Variants in COL4A2 observed in about 807,000 individuals in gnomAD.
COL4A2 encodes collagen alpha-2(IV) chain.
In COL4A2, 99 loss-of-function variants were observed where a neutral mutation model predicts 200.2. That is an observed-to-expected ratio of 0.49 (90% CI 0.42 to 0.58). The LOEUF (loss-of-function observed/expected upper bound fraction) is 0.58, where lower values mean the gene tolerates loss of function less well. Among genes scored for constraint, COL4A2 ranks in the 20% least tolerant of loss-of-function variants. The pLI, the probability that COL4A2 is intolerant of heterozygous loss-of-function variation, is 0.00. For missense variants in COL4A2, 1,950 were observed against 2,314.1 expected, an observed-to-expected ratio of 0.84 and a Z score of 3.23; for synonymous variants, 897 against 900.6, an observed-to-expected ratio of 1.00 and a Z score of 0.07.
At chr13:110,505,503 C>A (rs188248144) in intron 45 of COL4A2, among the ~76,000 whole-genome samples, 14 of 152,242 alleles carry the variant, frequency 9.2e-5, no homozygotes, top group Admixed American at 3.3e-4. Flanking sequence ...TGGGAGCCCG[C>A]CCAGGGTAGG....
chr13:110,436,523 G>A (rs4771679), intron 13 of COL4A2, among the ~76,000 whole-genome samples, 156 bp downstream of exon 13: 1 of 151,364 alleles, frequency 6.6e-6, no homozygotes, highest in African/African-American at 2.4e-5. Flanking sequence ...CTCCCAGAAT[G>A]TTTTCAACTC....
At position 110,421,551 on chromosome 13, in the gene COL4A2, G is replaced by A. The variant is rs972473021; in HGVS notation, c.181-3183G>A. On this transcript the variant is annotated intron_variant, in intron 4 of 47. Coordinates refer to ENST00000360467, the MANE Select transcript of COL4A2 (RefSeq NM_001846.4). ...ACAGAAAGCAGAGTGATGGTTGCCA[G>A]GGGCTGGGAGGAAAGGGAATGGGGA... 2.0e-5 allele frequency among the ~76,000 whole-genome samples: 3 copies of A among 152,210 alleles called. No homozygotes were observed. In the East Asian group the frequency reaches 5.8e-4, roughly 29 times the overall value.
At chr13:110,432,297 A>G (rs1880711694) in intron 10 of COL4A2, 28 bp from the exon 11 acceptor site, 2 of 1,596,836 alleles carry the variant, frequency 1.3e-6, no homozygotes, top group Admixed American at 1.8e-5. Context: ...AAAGAAAACC[A>G]TTTACACATT....
At chr13:110,444,876 G>C (rs1348072394) in intron 16 of COL4A2, among the ~76,000 whole-genome samples, 1 of 152,126 alleles carries the variant, frequency 6.6e-6, no homozygotes, top group Non-Finnish European at 1.5e-5. Context: ...TTTGAAACAG[G>C]GTCTTGCTGT....
intron 4 of COL4A2, among the ~76,000 whole-genome samples, chr13:110,396,346 C>T (rs1006317790): frequency 3.2e-4 from 48 of 152,186 alleles, no homozygotes; most frequent in Non-Finnish European, 1.2e-4. Context: ...GTGGAAGTTT[C>T]TCTGACTCTG....
rs9555700 is a variant in COL4A2, at chr13:110,450,148, A to C, written c.1190-157A>C. ...GAGAGGGGTGTTTTTAATGTTGAAA[A>C]AGGATAATGAACTATACCAATGGCT... On this transcript the variant is annotated intron_variant, in intron 19 of 47. Transcript: ENST00000360467. 0.31 allele frequency among the ~76,000 whole-genome samples: 46,724 copies of C among 152,132 alleles called. 7,828 individuals are homozygous for C. Among genetic ancestry groups the C allele is most frequent in the Middle Eastern group, 0.44 (128 of 294 alleles).
chr13:110,439,405 C>T (rs1487558174), intron 15 of COL4A2, among the ~76,000 whole-genome samples: 2 of 152,100 alleles, frequency 1.3e-5, no homozygotes, highest in Admixed American at 6.5e-5. Flanking sequence ...TATTTCTTTA[C>T]GTGGTAGAAA....
chr13:110,322,229 T>TGTCTCTCGGAGGCGGCCTGCCC (rs1885294603), intron 3 of COL4A2, among the ~76,000 whole-genome samples: 1 of 152,196 alleles, frequency 6.6e-6, no homozygotes, highest in African/African-American at 2.4e-5. Context: ...CCTGCCTGCC[T>TGTCTCTCGGAGGCGGCCTGCCC]GTCTCTCGGA....
intron 37 of COL4A2, 81 bp from the exon 38 acceptor site, chr13:110,491,989 G>T (rs1287918792): frequency 7.9e-7 from 1 of 1,263,018 alleles, no homozygotes; most frequent in Admixed American, 2.7e-5. Context: ...TCCCAGAGCG[G>T]CTGCCCCTCC....
chr13:110,454,769 C>T (rs1234099669), intron 20 of COL4A2, among the ~76,000 whole-genome samples: 7 of 152,130 alleles, frequency 4.6e-5, no homozygotes, highest in African/African-American at 1.7e-4. Context: ...GCTGGTCACT[C>T]GCTCGTTTCC....
intron 31 of COL4A2, among the ~76,000 whole-genome samples, chr13:110,481,594 TG>T (rs1882920230): frequency 5.9e-5 from 1 of 16,934 alleles, no homozygotes; most frequent in Non-Finnish European, 1.8e-4. Flanking sequence ...GTCCCTCCGT[TG>T]CTGGAGACAC....
Position 110,468,974 on chromosome 13 carries a change from A to G in COL4A2, c.2096-243A>G, listed in dbSNP as rs1302331103. ...ATCTGACCCCACCTCCAAAGCCCTC[A>G]TTTAGAGCACTGTAGAATCTAAATA... is the stretch of plus-strand genomic sequence containing the variant. On this transcript the variant is annotated intron_variant, in intron 27 of 47. Coordinates refer to ENST00000360467, the MANE Select transcript of COL4A2 (RefSeq NM_001846.4). 2.6e-5 allele frequency among the ~76,000 whole-genome samples: 4 copies of G among 152,198 alleles called. No homozygotes were observed. In the East Asian group the frequency reaches 7.7e-4, roughly 29 times the overall value.
At chr13:110,435,404 A>G (rs1260248858) in intron 12 of COL4A2, among the ~76,000 whole-genome samples, 1 of 152,248 alleles carries the variant, frequency 6.6e-6, no homozygotes, top group Non-Finnish European at 1.5e-5. Flanking sequence ...TCTACAGTCT[A>G]CAAAGGACTT....
intron 40 of COL4A2, among the ~76,000 whole-genome samples, chr13:110,501,384 G>A (rs1031578201): frequency 2.0e-5 from 3 of 152,156 alleles, no homozygotes; most frequent in African/African-American, 7.2e-5. Flanking sequence ...ATCGGGCAGC[G>A]CCTTGGGGAA....
intron 30 of COL4A2, among the ~76,000 whole-genome samples, chr13:110,478,769 C>G (rs886946340): frequency 6.6e-6 from 1 of 151,866 alleles, no homozygotes; most frequent in Non-Finnish European, 1.5e-5. Flanking sequence ...TACTTTCCCC[C>G]CTTTTTGTTT....
At position 110,324,233 on chromosome 13, in the gene COL4A2, C is replaced by G. The variant is rs60154329; in HGVS notation, c.99+16110C>G. ...TTGGCCAGTGGCCTTCTTGGCACTC[C>G]CAGAAACTCAGCTTCATGGGCGTCA... On this transcript the variant is annotated intron_variant, in intron 3 of 47. Coordinates refer to ENST00000360467, the MANE Select transcript of COL4A2 (RefSeq NM_001846.4). Among the ~76,000 whole-genome samples, 769 of 152,232 alleles carry G rather than the reference C, an allele frequency of 5.1e-3. 2 individuals carry two copies. The highest frequency in any genetic ancestry group is 0.022 in the South Asian group (108 of 4,818).
chr13:110,497,188 G>A (rs1365981376), intron 40 of COL4A2, among the ~76,000 whole-genome samples: 1 of 151,716 alleles, frequency 6.6e-6, no homozygotes, highest in Non-Finnish European at 1.5e-5. Context: ...CTCCACCCAG[G>A]AGTGAGGATC....
Position 110,511,961 on chromosome 13 carries a change from G to A in COL4A2, c.4909G>A (p.Gly1637Ser), listed in dbSNP as rs1884097237. The change falls in exon 48 of 48, where the codon GGC becomes AGC. Residue 1637 changes from glycine to serine, a missense_variant. Physicochemically the swap from Gly to Ser is moderately conservative, Grantham distance 56 (BLOSUM62 0). Transcript: ENST00000360467. ...CACGGCGGCGGGAGACGAAGGCGGT[G>A]GCCAATCACTGGTGTCACCGGGCAG... ...MHTAAGDEGGGQSLVSPGSCL... is the reference protein window; with the variant it reads ...MHTAAGDEGGSQSLVSPGSCL... The A allele has an allele frequency of 6.2e-7, 1 of 1,613,546 alleles. No individual in the cohort carries two copies.
intron 4 of COL4A2, among the ~76,000 whole-genome samples, chr13:110,405,843 A>T (rs938727417): frequency 6.6e-6 from 1 of 152,202 alleles, no homozygotes; most frequent in Non-Finnish European, 1.5e-5. Flanking sequence ...CTAAGAGAGC[A>T]TCCCAGGAAC....
Sources: allele counts gnomAD v4.1 joint callset (sites outside exome capture counted in the v4.1 genomes callset), GRCh38; gene constraint gnomAD v4.1.1; transcripts MANE v1.5; gene names NCBI Gene and HGNC (gene_info 2026-07-23, HGNC 2026-07-21).